The following ADCY1 variants were observed in gnomAD, a reference collection of about 807,000 sequenced individuals.
ADCY1 encodes the protein adenylate cyclase 1.
In ADCY1, 28 loss-of-function variants were observed where a neutral mutation model predicts 105.4. The ratio of observed to expected loss-of-function variants is 0.27; its 90% CI spans 0.20 to 0.36. ADCY1 has a LOEUF of 0.36. Ranked by LOEUF, ADCY1 falls within the 10% of genes least tolerant of loss-of-function variation. The pLI is 1.00. For missense variants in ADCY1, 977 were observed against 1,434.2 expected, an observed-to-expected ratio of 0.68 and a Z score of 5.15; for synonymous variants, 655 against 623.8, an observed-to-expected ratio of 1.05 and a Z score of -0.75.
intron 8 of ADCY1, among the ~76,000 whole-genome samples, chr7:45,662,423 T>C (rs1479452493): frequency 6.6e-6 from 1 of 152,236 alleles, no homozygotes; most frequent in Non-Finnish European, 1.5e-5. Flanking sequence ...GCATTCTTTG[T>C]ATTTGTCCAT....
At chr7:45,674,488 C>G (rs2116172232) in intron 8 of ADCY1, among the ~76,000 whole-genome samples, 1 of 152,268 alleles carries the variant, frequency 6.6e-6, no homozygotes, top group South Asian at 2.1e-4. Context: ...AATTCTCTGC[C>G]TCACCCTCTC....
rs542733549 is a variant in ADCY1, at chr7:45,645,477, C to A, written c.1021-3193C>A. On this transcript the variant is annotated intron_variant, in intron 4 of 19. Coordinates refer to ENST00000297323, the MANE Select transcript of ADCY1 (RefSeq NM_021116.4). ...GGAGCAGCTGTACTGACAGGCCCCA[C>A]CTTTGCCTTTTACCCTGGAGGCCCT... Among the ~76,000 whole-genome samples, 32 of 152,254 alleles carry A rather than the reference C, an allele frequency of 2.1e-4. 1 individual carries two copies. In the South Asian group the frequency reaches 6.6e-3, roughly 32 times the overall value.
intron 5 of ADCY1, among the ~76,000 whole-genome samples, chr7:45,656,317 G>C (rs1794942965): frequency 1.3e-5 from 2 of 151,158 alleles, no homozygotes; most frequent in South Asian, 4.2e-4. Context: ...AAAAAAAAAA[G>C]TATATTCAAA....
intron 8 of ADCY1, among the ~76,000 whole-genome samples, chr7:45,663,504 C>T (rs571420081): frequency 1.2e-4 from 18 of 152,132 alleles, no homozygotes; most frequent in Non-Finnish European, 2.4e-4. Context: ...AGGGCCCAGT[C>T]GCAGCCAGGC....
intron 1 of ADCY1, among the ~76,000 whole-genome samples, chr7:45,585,883 G>A (rs992990892): frequency 4.6e-5 from 7 of 152,150 alleles, no homozygotes; most frequent in African/African-American, 1.4e-4. Flanking sequence ...GGGTGGGGGT[G>A]GACAAGCTGG....
intron 4 of ADCY1, among the ~76,000 whole-genome samples, chr7:45,633,800 C>CAAA (rs754127020): frequency 8.1e-5 from 4 of 49,460 alleles, no homozygotes; most frequent in Non-Finnish European, 9.4e-5. Context: ...GACATCATCG[C>CAAA]AAAAAAAAAA....
intron 10 of ADCY1, among the ~76,000 whole-genome samples, chr7:45,678,883 C>G (rs1784509618): frequency 8.4e-6 from 1 of 119,170 alleles, no homozygotes; most frequent in Admixed American, 9.6e-5. Flanking sequence ...GAGACTTTGT[C>G]TCTAAAAATA....
chr7:45,643,238 T>A (rs1486731933), intron 4 of ADCY1, among the ~76,000 whole-genome samples: 1 of 151,464 alleles, frequency 6.6e-6, no homozygotes, highest in Non-Finnish European at 1.5e-5. Context: ...GGGTTGTAAT[T>A]GGTCCGAGGC....
intron 4 of ADCY1, among the ~76,000 whole-genome samples, chr7:45,637,249 C>G (rs1310896922): frequency 6.6e-6 from 1 of 152,104 alleles, no homozygotes; most frequent in Non-Finnish European, 1.5e-5. Context: ...GACATTGTTC[C>G]CATACATTTT....
intron 14 of ADCY1, among the ~76,000 whole-genome samples, chr7:45,690,493 C>T (rs1415455944): frequency 1.3e-5 from 2 of 152,228 alleles, no homozygotes; most frequent in Non-Finnish European, 2.9e-5. Flanking sequence ...GGAATGCTCT[C>T]CTCCCTCGCT....
intron 4 of ADCY1, among the ~76,000 whole-genome samples, chr7:45,632,736 A>T (rs894261710): frequency 1.3e-5 from 2 of 150,396 alleles, no homozygotes; most frequent in African/African-American, 2.4e-5. Flanking sequence ...GCTAATTTTT[A>T]AATTTTTTTT....
intron 2 of ADCY1, among the ~76,000 whole-genome samples, chr7:45,609,386 T>C (rs949228859): frequency 6.6e-6 from 1 of 152,174 alleles, no homozygotes; most frequent in Non-Finnish European, 1.5e-5. Flanking sequence ...TGACTACTGC[T>C]AAGGCTCCTT....
chr7:45,713,590 G>A, intron 19 of ADCY1, 103 bp from the exon 20 acceptor site: 2 of 676,056 alleles, frequency 3.0e-6, no homozygotes, highest in East Asian at 2.5e-5. Context: ...GGGTTGGGCA[G>A]TCAGGGTGGA....
At chr7:45,619,963 A>C (rs563534446) in intron 3 of ADCY1, among the ~76,000 whole-genome samples, 16 of 152,374 alleles carry the variant, frequency 1.1e-4, no homozygotes, top group Admixed American at 9.1e-4. Context: ...ATTGTACACC[A>C]CATATACACA....
chr7:45,574,613 G>GCGGC lies in ADCY1; in HGVS notation c.74_77dup (p.Thr27ArgfsTer211). 8.6e-7 allele frequency: 1 copy of GCGGC among 1,156,164 alleles called. No homozygotes were observed. The highest frequency in any genetic ancestry group is 1.1e-6 in the Non-Finnish European group (1 of 940,446). 71.6% of individuals were successfully genotyped at this position (1,156,164 alleles called of 1,614,324 possible). A position where few individuals can be genotyped will look rare whatever the true frequency, so the allele number is the denominator to read the frequency against. On this transcript the variant is annotated frameshift_variant, in exon 1 of 20. Coordinates refer to ENST00000297323, the MANE Select transcript of ADCY1 (RefSeq NM_021116.4). LOFTEE classifies it high-confidence loss of function. This position sits in a 1 kb window ranked among gnomAD's most constrained non-coding sequence, Gnocchi z 7.0. The stretch of plus-strand genomic sequence containing the variant: ...GGGCGAGCCCGGGGGCGCCGAGCGG[G>GCGGC]CGGCCGGGACAAGCCGCCGGCGCGG...
At chr7:45,608,784 C>T (rs1049784166) in intron 2 of ADCY1, among the ~76,000 whole-genome samples, 6 of 151,894 alleles carry the variant, frequency 4.0e-5, no homozygotes, top group South Asian at 2.1e-4. Context: ...ATGGGGGCTG[C>T]GGCAGAGCTT....
At chr7:45,653,417 A>G (rs1794860673) in intron 5 of ADCY1, among the ~76,000 whole-genome samples, 1 of 152,216 alleles carries the variant, frequency 6.6e-6, no homozygotes, top group Non-Finnish European at 1.5e-5. Context: ...TTGAATTTCC[A>G]ATGGGATTTC....
intron 19 of ADCY1, among the ~76,000 whole-genome samples, chr7:45,711,613 A>C (rs1220969155): frequency 1.6e-4 from 5 of 31,180 alleles, no homozygotes; most frequent in African/African-American, 4.6e-4. Flanking sequence ...TGCTGTATAT[A>C]TATATATATA....
At chr7:45,637,420 G>A (rs1250234914) in intron 4 of ADCY1, among the ~76,000 whole-genome samples, 1 of 152,104 alleles carries the variant, frequency 6.6e-6, no homozygotes, top group Non-Finnish European at 1.5e-5. Flanking sequence ...TGTGTTTTAT[G>A]TATCTGCCTA....
Sources: gnomAD v4.1 joint callset for allele counts (sites outside exome capture counted in the v4.1 genomes callset) on GRCh38, gnomAD v4.1.1 for gene constraint, Gnocchi (gnomAD v3.1) non-coding constraint, MANE v1.5 for transcripts, NCBI Gene and HGNC (gene_info 2026-07-23, HGNC 2026-07-21) for gene names.